USP34: variants seen among roughly 807,000 people sequenced by gnomAD.
The protein encoded by USP34 is ubiquitin carboxyl-terminal hydrolase 34.
In USP34, 70 loss-of-function variants were observed where a neutral mutation model predicts 460.3. The observed-to-expected ratio is 0.15, with a 90% CI of 0.13 to 0.19. The LOEUF (loss-of-function observed/expected upper bound fraction) is 0.19, where lower values mean the gene tolerates loss of function less well. Ranked by LOEUF, USP34 falls within the 10% of genes least tolerant of loss-of-function variation. The pLI is 1.00. For synonymous variants in USP34, 1,647 were observed against 1,405.3 expected (o/e 1.17, Z -3.85); for missense variants, 3,985 against 4,236.2 (o/e 0.94, Z 1.65).
chr2:61,381,016 G>T (rs900327182), intron 6 of USP34, among the ~76,000 whole-genome samples: 1 of 151,978 alleles, frequency 6.6e-6, no homozygotes, highest in African/African-American at 2.4e-5. Flanking sequence ...TAGCATGCTC[G>T]TTAAGAGTCA....
intron 13 of USP34, 105 bp downstream of exon 13, chr2:61,349,145 C>G: frequency 1.4e-6 from 2 of 1,385,302 alleles, no homozygotes; most frequent in Non-Finnish European, 9.9e-7. Flanking sequence ...TCAAAATGAA[C>G]TTTATGACTG....
At chr2:61,454,025 C>T (rs1297289201) in intron 1 of USP34, among the ~76,000 whole-genome samples, 1 of 152,020 alleles carries the variant, frequency 6.6e-6, no homozygotes, top group Non-Finnish European at 1.5e-5. Context: ...TATACATATT[C>T]ACAGAAGACA....
At chr2:61,270,557 T>A (rs1689182323) in intron 41 of USP34, among the ~76,000 whole-genome samples, 1 of 152,272 alleles carries the variant, frequency 6.6e-6, no homozygotes, top group African/African-American at 2.4e-5. Context: ...TGCCTCAGCC[T>A]CCCGAGTAGC....
At chr2:61,457,231 G>A (rs772458077) in intron 1 of USP34, among the ~76,000 whole-genome samples, 4 of 152,246 alleles carry the variant, frequency 2.6e-5, no homozygotes, top group East Asian at 1.9e-4. Context: ...AGCCGTGATC[G>A]TGCCACTGCA....
At chr2:61,470,279 G>C (rs989122893) in intron 1 of USP34, among the ~76,000 whole-genome samples, 2 of 152,216 alleles carry the variant, frequency 1.3e-5, no homozygotes, top group African/African-American at 4.8e-5. Context: ...GCGGAGGAAA[G>C]CCTCGTCCTC....
intron 49 of USP34, among the ~76,000 whole-genome samples, chr2:61,247,854 G>C (rs1688458649): frequency 6.6e-6 from 1 of 152,038 alleles, no homozygotes; most frequent in Non-Finnish European, 1.5e-5. Context: ...GAGTGCAGTA[G>C]TGCAATCTCA....
chr2:61,400,068 G>T (rs1003115676), intron 3 of USP34, among the ~76,000 whole-genome samples: 2 of 124,894 alleles, frequency 1.6e-5, no homozygotes, highest in African/African-American at 5.9e-5. Flanking sequence ...TTTTAAAAGA[G>T]AAAACAGAGA....
chr2:61,303,743 C>T (rs1431622857), intron 27 of USP34, among the ~76,000 whole-genome samples: 3 of 151,878 alleles, frequency 2.0e-5, no homozygotes, highest in African/African-American at 7.3e-5. Flanking sequence ...ACTACAGGCG[C>T]CTGCCACCAC....
intron 1 of USP34, among the ~76,000 whole-genome samples, chr2:61,462,946 A>C (rs1695649443): frequency 6.6e-6 from 1 of 151,150 alleles, no homozygotes; most frequent in Non-Finnish European, 1.5e-5. Flanking sequence ...CAGGAAAATC[A>C]CTTGAGCCCA....
At chr2:61,195,965 G>A (rs534718885) in intron 75 of USP34, among the ~76,000 whole-genome samples, 5 of 151,244 alleles carry the variant, frequency 3.3e-5, no homozygotes, top group African/African-American at 1.2e-4. Context: ...GGAGGACAGT[G>A]GCACGATCTC....
At chr2:61,222,751 C>A in intron 64 of USP34, 88 bp from the exon 65 acceptor site, 2 of 1,248,078 alleles carry the variant, frequency 1.6e-6, no homozygotes, top group Admixed American at 2.0e-5. Context: ...GGCTGGGATG[C>A]AGTGGCGAGA....
intron 43 of USP34, among the ~76,000 whole-genome samples, chr2:61,262,558 T>TAC (rs776787307): frequency 1.9e-4 from 29 of 152,322 alleles, no homozygotes; most frequent in Non-Finnish European, 3.7e-4. Context: ...GCTGTATATG[T>TAC]ACCACATTTT....
intron 69 of USP34, among the ~76,000 whole-genome samples, 181 bp downstream of exon 69, chr2:61,211,591 C>G (rs1024806711): frequency 3.3e-5 from 5 of 152,110 alleles, no homozygotes; most frequent in African/African-American, 1.2e-4. Flanking sequence ...AAAACATACA[C>G]AAATACAAAC....
At chr2:61,424,654 T>C (rs1694458166) in intron 1 of USP34, among the ~76,000 whole-genome samples, 2 of 152,090 alleles carry the variant, frequency 1.3e-5, no homozygotes, top group South Asian at 2.1e-4. Context: ...GGCAAGAGGA[T>C]CACTTGAGCC....
At chr2:61,315,265 A>G (rs1025844782) in intron 23 of USP34, among the ~76,000 whole-genome samples, 3 of 152,226 alleles carry the variant, frequency 2.0e-5, no homozygotes, top group Non-Finnish European at 4.4e-5. Context: ...AACCAACACA[A>G]TAACGAGCAC....
intron 3 of USP34, among the ~76,000 whole-genome samples, chr2:61,399,506 A>G (rs1191646036): frequency 6.6e-6 from 1 of 152,056 alleles, no homozygotes; most frequent in Non-Finnish European, 1.5e-5. Context: ...TTTAAGTAGT[A>G]TATAAAAAAT....
chr2:61,286,438 T>C (rs1033110833), intron 34 of USP34, among the ~76,000 whole-genome samples: 5 of 152,092 alleles, frequency 3.3e-5, no homozygotes, highest in African/African-American at 1.2e-4. Context: ...GGAGGATCAC[T>C]TGAGGTCAGG....
At chr2:61,325,266 TAAATTA>T in intron 21 of USP34, 103 bp downstream of exon 21, 1 of 675,414 alleles carries the variant, frequency 1.5e-6, no homozygotes, top group Non-Finnish European at 2.3e-6. Flanking sequence ...ACTCTAAAAT[TAAATTA>T]AACTAAAAAA....
At chr2:61,387,762 T>C (rs1022195620) in intron 5 of USP34, among the ~76,000 whole-genome samples, 10 of 148,180 alleles carry the variant, frequency 6.7e-5, no homozygotes, top group African/African-American at 2.5e-4. Flanking sequence ...TATACACACA[T>C]GTAAAATATA....
Sources: gnomAD v4.1 joint callset for allele counts (sites outside exome capture counted in the v4.1 genomes callset) on GRCh38, gnomAD v4.1.1 for gene constraint, MANE v1.5 for transcripts, NCBI Gene and HGNC (gene_info 2026-07-23, HGNC 2026-07-21) for gene names.